NELL1: variants seen among roughly 807,000 people sequenced by gnomAD.
NELL1 encodes protein kinase C-binding protein NELL1.
NELL1 carries 76 observed loss-of-function variants against 107.4 expected under a neutral mutation model. The ratio of observed to expected loss-of-function variants is 0.71; its 90% CI spans 0.59 to 0.86. NELL1 has a LOEUF of 0.86. NELL1 is among the 40% of genes least tolerant of loss of function. The pLI is 0.00. For missense variants in NELL1, 1,024 were observed against 1,005.5 expected (o/e 1.02, Z -0.25); for synonymous variants, 353 against 341.2 (o/e 1.03, Z -0.38).
chr11:21,133,872 G>A (rs1289232470), intron 13 of NELL1, among the ~76,000 whole-genome samples: 1 of 152,178 alleles, frequency 6.6e-6, no homozygotes, highest in African/African-American at 2.4e-5. Context: ...CACCTGGAGG[G>A]TGGGGCTCCT....
At chr11:20,936,037 G>A (rs1436697451) in intron 9 of NELL1, among the ~76,000 whole-genome samples, 2 of 152,130 alleles carry the variant, frequency 1.3e-5, no homozygotes, top group East Asian at 1.9e-4. Flanking sequence ...AGATTTACAT[G>A]TACTTTATTA....
At chr11:21,218,910 C>T (rs1857684303) in intron 13 of NELL1, among the ~76,000 whole-genome samples, 1 of 152,070 alleles carries the variant, frequency 6.6e-6, no homozygotes, top group South Asian at 2.1e-4. Context: ...TAGGTTGATT[C>T]CGTATGTTGG....
At chr11:21,346,428 C>A (rs1205006628) in intron 14 of NELL1, among the ~76,000 whole-genome samples, 1 of 151,260 alleles carries the variant, frequency 6.6e-6, no homozygotes, top group African/African-American at 2.4e-5. Context: ...GTACCCAAGC[C>A]ATATAAATGG....
chr11:20,787,021 A>AAAAAAG (rs1554920669), intron 3 of NELL1, among the ~76,000 whole-genome samples: 35 of 146,196 alleles, frequency 2.4e-4, no homozygotes, highest in African/African-American at 8.7e-4. Context: ...AAAAAAAAAA[A>AAAAAAG]AAAAAAAAAA....
rs61184129 is a variant in NELL1, at chr11:20,872,671, G to GGTGTGTGTGTGTGTGT, written c.507-12746_507-12731dup. ...TGAATGTGGAGATGCCAGTGTTTGA[G>GGTGTGTGTGTGTGTGT]GTGTGTGTGTGTGTGTGTGTGTGTG... is the stretch of plus-strand genomic sequence containing the variant. On this transcript the variant is annotated intron_variant, in intron 4 of 19. Transcript: ENST00000357134. Among the ~76,000 whole-genome samples the GGTGTGTGTGTGTGTGT allele has an allele frequency of 7.3e-4, 100 of 137,176 alleles. 1 individual carries two copies. Among genetic ancestry groups the GGTGTGTGTGTGTGTGT allele is most frequent in the South Asian group, 3.1e-3 (12 of 3,922 alleles). 90.0% of individuals were successfully genotyped at this position (137,176 alleles called of 152,430 possible). A position where few individuals can be genotyped will look rare whatever the true frequency, so the allele number is the denominator to read the frequency against.
chr11:20,965,317 C>G (rs1851367417), intron 12 of NELL1, among the ~76,000 whole-genome samples: 1 of 152,130 alleles, frequency 6.6e-6, no homozygotes, highest in Non-Finnish European at 1.5e-5. Context: ...GTCTGGTATT[C>G]ACTAAATATT....
intron 14 of NELL1, among the ~76,000 whole-genome samples, chr11:21,250,826 G>C (rs1858618994): frequency 6.6e-6 from 1 of 152,100 alleles, no homozygotes; most frequent in Non-Finnish European, 1.5e-5. Flanking sequence ...AATAGATGAG[G>C]CTTCTCACTG....
chr11:20,675,642 C>T (rs550318500), intron 1 of NELL1, among the ~76,000 whole-genome samples: 1 of 152,066 alleles, frequency 6.6e-6, no homozygotes, highest in Non-Finnish European at 1.5e-5. Flanking sequence ...TAATTTCTGC[C>T]CTTAAGCATA....
chr11:20,669,976 T>C lies in NELL1; in HGVS notation c.55+198T>C, dbSNP rs1853855771. On this transcript the variant is annotated intron_variant, in intron 1 of 19. Coordinates refer to ENST00000357134, the MANE Select transcript of NELL1 (RefSeq NM_006157.5). This position sits in a 1 kb window ranked among gnomAD's most constrained non-coding sequence, Gnocchi z 4.4. ...CTCACGGGCTTGAAGATGTCCCCGT[T>C]GAGTGCCCCTTCTCAGGGGACCCGG... Among the ~76,000 whole-genome samples the C allele has an allele frequency of 6.6e-6, 1 of 152,156 alleles. No individual in the cohort carries two copies. The highest frequency in any genetic ancestry group is 1.9e-4 in the East Asian group (1 of 5,166).
intron 14 of NELL1, among the ~76,000 whole-genome samples, chr11:21,237,470 T>C (rs1858239099): frequency 6.6e-6 from 1 of 152,098 alleles, no homozygotes; most frequent in Non-Finnish European, 1.5e-5. Flanking sequence ...GTGCCTCTTC[T>C]CTTTAGTTTT....
intron 13 of NELL1, among the ~76,000 whole-genome samples, chr11:21,121,714 C>A (rs1176459281): frequency 6.6e-6 from 1 of 152,108 alleles, no homozygotes; most frequent in African/African-American, 2.4e-5. Flanking sequence ...TCATCACTTG[C>A]ACAAACACTT....
At chr11:21,303,886 T>C (rs1002283162) in intron 14 of NELL1, among the ~76,000 whole-genome samples, 1 of 152,018 alleles carries the variant, frequency 6.6e-6, no homozygotes, top group Non-Finnish European at 1.5e-5. Flanking sequence ...TGGTGCCTCA[T>C]TGCTGAGTCC....
At chr11:20,768,430 G>A (rs559026057) in intron 2 of NELL1, among the ~76,000 whole-genome samples, 1 of 152,362 alleles carries the variant, frequency 6.6e-6, no homozygotes, top group Non-Finnish European at 1.5e-5. Context: ...TTCAGGCCAT[G>A]GCAAGGAGTT....
chr11:20,938,778 T>C (rs1850780437), intron 10 of NELL1, among the ~76,000 whole-genome samples: 1 of 152,148 alleles, frequency 6.6e-6, no homozygotes, highest in Admixed American at 6.5e-5. Context: ...TTGGGTGAAG[T>C]TCTAGAGCTC....
intron 12 of NELL1, among the ~76,000 whole-genome samples, chr11:21,109,847 A>G (rs1348062766): frequency 6.6e-6 from 1 of 152,080 alleles, no homozygotes; most frequent in Non-Finnish European, 1.5e-5. Flanking sequence ...TCCGTTTATA[A>G]TCAGATTTGC....
intron 3 of NELL1, among the ~76,000 whole-genome samples, chr11:20,838,341 T>A (rs66493706): frequency 7.4e-5 from 11 of 148,332 alleles, no homozygotes; most frequent in African/African-American, 2.5e-4. Flanking sequence ...TATCGTAGCA[T>A]CCTAGATAAG....
Position 21,326,079 on chromosome 11 carries a change from TTTG to T in NELL1, c.1550-44773_1550-44771del, listed in dbSNP as rs1258395829. Among the ~76,000 whole-genome samples the T allele has an allele frequency of 6.3e-3, 311 of 49,536 alleles. 8 individuals carry two copies. Among genetic ancestry groups the T allele is most frequent in the African/African-American group, 0.017 (238 of 14,138 alleles). The allele number at this position is 49,536 out of a possible 152,430, so 32.5% of individuals were successfully genotyped here. A position where few individuals can be genotyped will look rare whatever the true frequency, so the allele number is the denominator to read the frequency against. ...TTTTTTTTTTTTTTTTTTTTTTTTTTTTGGGCTATTTTGAGTAAAGCTTAAATG... is the reference window on the plus strand; with the variant it reads ...TTTTTTTTTTTTTTTTTTTTTTTTTTGGCTATTTTGAGTAAAGCTTAAATG... On this transcript the variant is annotated intron_variant, in intron 14 of 19. Transcript: ENST00000357134.
At chr11:20,902,952 G>T (rs1393753819) in intron 5 of NELL1, among the ~76,000 whole-genome samples, 1 of 151,866 alleles carries the variant, frequency 6.6e-6, no homozygotes, top group Admixed American at 6.6e-5. Context: ...GCATAGAAGT[G>T]ATAAACACTA....
intron 14 of NELL1, among the ~76,000 whole-genome samples, chr11:21,257,526 C>A (rs1256413648): frequency 6.6e-6 from 1 of 151,948 alleles, no homozygotes; most frequent in Non-Finnish European, 1.5e-5. Context: ...AAACTGGAAT[C>A]TGAGCCCCTC....
Sources: allele counts gnomAD v4.1 joint callset (sites outside exome capture counted in the v4.1 genomes callset), GRCh38; gene constraint gnomAD v4.1.1; non-coding constraint Gnocchi (gnomAD v3.1); transcripts MANE v1.5; gene names NCBI Gene and HGNC (gene_info 2026-07-23, HGNC 2026-07-21).